Variants in ENPP2 observed in about 807,000 individuals in gnomAD.
ENPP2 encodes the protein autotaxin.
A neutral mutation model predicts 120.2 loss-of-function variants in ENPP2; 51 were observed. The observed-to-expected ratio is 0.42, with a 90% CI of 0.34 to 0.54. The LOEUF is 0.54. Among genes scored for constraint, ENPP2 ranks in the 20% least tolerant of loss-of-function variants. The probability of loss-of-function intolerance (pLI) is 0.04; values close to 1 mark genes in which losing one functional copy is unlikely to be tolerated. For synonymous variants in ENPP2, 365 were observed against 366.4 expected, an observed-to-expected ratio of 1.00 and a Z score of 0.04; for missense variants, 920 against 1,066.5, an observed-to-expected ratio of 0.86 and a Z score of 1.91.
chr8:119,647,711 T>G (rs1315214760), intron 1 of ENPP2, among the ~76,000 whole-genome samples: 2 of 151,942 alleles, frequency 1.3e-5, no homozygotes, highest in Non-Finnish European at 2.9e-5. Flanking sequence ...AGAATAAGGG[T>G]TTGGATTCTG....
At chr8:119,557,785 G>A in intron 24 of ENPP2, 94 bp from the exon 25 acceptor site, 2 of 1,046,248 alleles carry the variant, frequency 1.9e-6, no homozygotes, top group Non-Finnish European at 2.7e-6. Flanking sequence ...TGACCTCTGT[G>A]CACTCTTGCA....
chr8:119,601,177 A>C (rs1814277180), intron 10 of ENPP2, among the ~76,000 whole-genome samples: 1 of 152,220 alleles, frequency 6.6e-6, no homozygotes, highest in African/African-American at 2.4e-5. Context: ...GCTCTGCTGT[A>C]GTGGACAGAA....
In ENPP2 at chr8:119,568,322, A is replaced by AG. The variant is rs979637057; in HGVS notation, c.2054-71dup. The AG allele has an allele frequency of 2.0e-5, 17 of 833,006 alleles. No individual in the cohort carries two copies. The Admixed American group carries it at 2.4e-4, about 12-fold the overall frequency. The allele number at this position is 833,006 out of a possible 1,614,324, so 51.6% of individuals were successfully genotyped here. On this transcript the variant is annotated intron_variant, in intron 21 of 24. Coordinates refer to ENST00000075322, the MANE Select transcript of ENPP2 (RefSeq NM_001040092.3). ...TATATCAGTTAAAAAAAAAAGGGAG[A>AG]GGGGGGTAGAATTTTCTTAAATGGT...
chr8:119,603,375 A>G (rs1312762670), intron 9 of ENPP2, among the ~76,000 whole-genome samples: 1 of 152,178 alleles, frequency 6.6e-6, no homozygotes, highest in Non-Finnish European at 1.5e-5. Flanking sequence ...ATACAAACTA[A>G]CAGAATCTGT....
intron 11 of ENPP2, among the ~76,000 whole-genome samples, chr8:119,597,694 G>A (rs1030323288): frequency 4.6e-5 from 7 of 152,120 alleles, no homozygotes; most frequent in African/African-American, 1.4e-4. Context: ...AAAAAGCATA[G>A]AAGGTCAAAA....
At chr8:119,565,392 C>T (rs1439703307) in intron 22 of ENPP2, among the ~76,000 whole-genome samples, 1 of 152,160 alleles carries the variant, frequency 6.6e-6, no homozygotes, top group African/African-American at 2.4e-5. Flanking sequence ...CAGGTTTAAG[C>T]TTTACCCCTG....
intron 4 of ENPP2, among the ~76,000 whole-genome samples, chr8:119,619,698 TC>T (rs1214832193): frequency 1.3e-5 from 2 of 148,992 alleles, no homozygotes; most frequent in African/African-American, 4.9e-5. Flanking sequence ...TGGCAAAACT[TC>T]CCTTTAGATG....
intron 15 of ENPP2, among the ~76,000 whole-genome samples, chr8:119,585,623 C>T (rs1813051450): frequency 6.6e-6 from 1 of 152,076 alleles, no homozygotes; most frequent in Admixed American, 6.6e-5. Flanking sequence ...TTGTTAGAGC[C>T]TCCAGACATG....
At chr8:119,603,241 A>G (rs1247684206) in intron 9 of ENPP2, among the ~76,000 whole-genome samples, 1 of 151,674 alleles carries the variant, frequency 6.6e-6, no homozygotes, top group East Asian at 1.9e-4. Flanking sequence ...AAAAAAAGTG[A>G]ATGCCAGAGC....
At chr8:119,646,486 C>G (rs2130863400) in intron 1 of ENPP2, among the ~76,000 whole-genome samples, 1 of 152,208 alleles carries the variant, frequency 6.6e-6, no homozygotes, top group South Asian at 2.1e-4. Context: ...GTTTGAGGAC[C>G]ACTGACCTAG....
chr8:119,624,846 T>C (rs775988865), intron 3 of ENPP2, among the ~76,000 whole-genome samples: 11 of 152,366 alleles, frequency 7.2e-5, no homozygotes, highest in South Asian at 6.2e-4. Context: ...TTCTCGGCAG[T>C]GCTCCCTCAA....
intron 2 of ENPP2, among the ~76,000 whole-genome samples, chr8:119,638,006 C>A (rs201607228): frequency 6.6e-6 from 1 of 152,180 alleles, no homozygotes; most frequent in East Asian, 1.9e-4. Context: ...TAGCTCACTG[C>A]CTTTTTTACT....
intron 9 of ENPP2, among the ~76,000 whole-genome samples, chr8:119,602,679 A>T (rs190235021): frequency 6.6e-6 from 1 of 151,972 alleles, no homozygotes; most frequent in African/African-American, 2.4e-5. Context: ...GCTGAGTGAT[A>T]TCTTTAGTCA....
intron 24 of ENPP2, 80 bp from the exon 25 acceptor site, chr8:119,557,771 C>T: frequency 8.0e-7 from 1 of 1,246,682 alleles, no homozygotes; most frequent in South Asian, 1.5e-5. Context: ...TCCAAGTCCA[C>T]AAATGACCTC....
At chr8:119,635,123 C>T (rs1232250029) in intron 2 of ENPP2, among the ~76,000 whole-genome samples, 3 of 152,170 alleles carry the variant, frequency 2.0e-5, no homozygotes, top group Non-Finnish European at 4.4e-5. Context: ...CATTGCAGAG[C>T]AAAATTTCTA....
rs780576277 is a variant in ENPP2, at chr8:119,659,589, C to T, written c.21+13663G>A. On this transcript the variant is annotated intron_variant, in intron 1 of 25. Coordinates refer to the ENPP2 transcript ENST00000427067. ...CTAGTTCATGGACAATGTCTTGAGC[C>T]TTCCATTCCCATCCCTCTCAGGGAA... Among the ~76,000 whole-genome samples, 19 of 152,152 alleles carry T rather than the reference C, an allele frequency of 1.2e-4. 1 individual carries two copies. The highest frequency in any genetic ancestry group is 2.1e-4 in the South Asian group (1 of 4,832).
At chr8:119,620,987 TC>T (rs1815854309) in intron 4 of ENPP2, among the ~76,000 whole-genome samples, 1 of 152,152 alleles carries the variant, frequency 6.6e-6, no homozygotes, top group Non-Finnish European at 1.5e-5. Flanking sequence ...TGAGAGCATG[TC>T]CTCACTTGTC....
Position 119,621,376 on chromosome 8 carries a change from A to C in ENPP2, c.418+18T>G, listed in dbSNP as rs1222857457. ...TTTTATTCTTTTAAAGCTCAGGCCA[A>C]TCCAAAGAAACACGTACCTTTGCAA... On this transcript the variant is annotated intron_variant, in intron 4 of 24. Transcript: ENST00000075322. 1.9e-6 allele frequency: 3 copies of C among 1,611,862 alleles called. No homozygotes were observed. Among genetic ancestry groups the C allele is most frequent in the Non-Finnish European group, 1.7e-6 (2 of 1,178,378 alleles).
Position 119,583,709 on chromosome 8 carries a change from T to G in ENPP2, c.1543+8A>C, listed in dbSNP as rs1175640516. ...GTTTCAATGGTTCTGATTAAATGAG[T>G]GACTTACCACACATAACATTGTAAA... On this transcript the variant is annotated splice_region_variant and intron_variant, in intron 17 of 24. Transcript: ENST00000075322. 1.4e-6 allele frequency: 2 copies of G among 1,453,528 alleles called. No homozygotes were observed. Among genetic ancestry groups the G allele is most frequent in the Non-Finnish European group, 1.9e-6 (2 of 1,042,416 alleles). 90.0% of individuals were successfully genotyped at this position (1,453,528 alleles called of 1,614,324 possible).
Sources: allele counts gnomAD v4.1 joint callset (sites outside exome capture counted in the v4.1 genomes callset), GRCh38; gene constraint gnomAD v4.1.1; transcripts MANE v1.5; gene names NCBI Gene and HGNC (gene_info 2026-07-23, HGNC 2026-07-21).